FBN2: variants seen among roughly 807,000 people sequenced by gnomAD.
The protein encoded by FBN2 is fibrillin-2.
Under a neutral mutation model 355.6 loss-of-function variants are expected in FBN2, and 105 were observed. The observed-to-expected ratio is 0.30, with a 90% CI of 0.25 to 0.35. The LOEUF (loss-of-function observed/expected upper bound fraction) is 0.35. Ranked by LOEUF, FBN2 falls within the 10% of genes least tolerant of loss-of-function variation. The pLI is 1.00. For synonymous variants in FBN2, 1,350 were observed against 1,301.2 expected, an observed-to-expected ratio of 1.04 and a Z score of -0.81; for missense variants, 3,280 against 3,758.7, an observed-to-expected ratio of 0.87 and a Z score of 3.33.
At chr5:128,446,675 T>TA in intron 6 of FBN2, 69 bp from the exon 7 acceptor site, 1 of 1,525,738 alleles carries the variant, frequency 6.6e-7, no homozygotes, top group Admixed American at 1.7e-5. Context: ...TTTTTTACTA[T>TA]AAAAACTTTA....
chr5:128,319,724 A>G (rs1360190592), intron 34 of FBN2, among the ~76,000 whole-genome samples: 1 of 152,178 alleles, frequency 6.6e-6, no homozygotes, highest in Admixed American at 6.5e-5. Context: ...TTCATTTATG[A>G]AAAGTTTATG....
intron 33 of FBN2, 29 bp from the exon 34 acceptor site, chr5:128,328,850 T>C (rs1750622366): frequency 6.2e-7 from 1 of 1,613,488 alleles, no homozygotes; most frequent in Non-Finnish European, 8.5e-7. Flanking sequence ...TACATCTCTG[T>C]TAAGTTCCAA....
intron 16 of FBN2, among the ~76,000 whole-genome samples, chr5:128,367,136 A>G (rs1163240806): frequency 6.6e-6 from 1 of 152,200 alleles, no homozygotes; most frequent in Admixed American, 6.5e-5. Context: ...ATGAAGTTTA[A>G]TTATATCACT....
chr5:128,452,422 G>C (rs1165025771), intron 6 of FBN2, among the ~76,000 whole-genome samples: 1 of 152,176 alleles, frequency 6.6e-6, no homozygotes, highest in African/African-American at 2.4e-5. Context: ...ATGTAACAAA[G>C]CAACAATAAT....
intron 7 of FBN2, among the ~76,000 whole-genome samples, chr5:128,427,834 G>A (rs1753521826): frequency 6.6e-6 from 1 of 152,110 alleles, no homozygotes; most frequent in African/African-American, 2.4e-5. Context: ...TGCAATAAAT[G>A]CCTCATTTTC....
In FBN2 at chr5:128,318,567, C is replaced by CATATATACATGTATATAT. The variant is rs1224561414; in HGVS notation, c.4594+294_4595-297dup. Among the ~76,000 whole-genome samples the CATATATACATGTATATAT allele has an allele frequency of 5.9e-5, 9 of 151,598 alleles. No homozygotes were observed. In the East Asian group the frequency reaches 9.7e-4, roughly 16 times the overall value. ...GTCACTATTTGCTTAACAAAAATCACATATATACATGTATATATATATATA... is the reference window on the plus strand; with the variant it reads ...GTCACTATTTGCTTAACAAAAATCACATATATACATGTATATATATATATACATGTATATATATATATA... On this transcript the variant is annotated intron_variant, in intron 35 of 64. Transcript: ENST00000262464.
At chr5:128,371,833 C>T (rs1751953852) in intron 15 of FBN2, among the ~76,000 whole-genome samples, 1 of 152,030 alleles carries the variant, frequency 6.6e-6, no homozygotes, top group African/African-American at 2.4e-5. Flanking sequence ...ATGCCTGTCC[C>T]CTTTTCTTTC....
chr5:128,286,954 G>A (rs1031937156), intron 54 of FBN2, 105 bp from the exon 55 acceptor site: 2 of 1,159,982 alleles, frequency 1.7e-6, no homozygotes, highest in South Asian at 1.3e-5. Context: ...ATTTTATGGT[G>A]GGACAGAGAA....
intron 62 of FBN2, among the ~76,000 whole-genome samples, chr5:128,265,283 G>A (rs1169386330): frequency 6.6e-6 from 1 of 152,106 alleles, no homozygotes; most frequent in Non-Finnish European, 1.5e-5. Flanking sequence ...ATCCTGCCAT[G>A]AATATACCAT....
rs1398924156 is a variant in FBN2 at position 128,455,995 on chromosome 5, A to ACAAAAC, written c.826+8728_826+8729insGTTTTG. ...CCTTGGGGGAGGGTTAGCAACAAAA[A>ACAAAAC]AAAAAAAAAAAAAAAAAAAAAAAAA... On this transcript the variant is annotated intron_variant, in intron 6 of 64. Transcript: ENST00000262464. Among the ~76,000 whole-genome samples, 6 of 125,860 alleles carry ACAAAAC rather than the reference A, an allele frequency of 4.8e-5. No homozygotes were observed. The South Asian group carries it at 1.3e-3, about 28-fold the overall frequency. 82.6% of individuals were successfully genotyped at this position (125,860 alleles called of 152,430 possible).
chr5:128,344,826 G>A (rs1228871827), intron 24 of FBN2, among the ~76,000 whole-genome samples: 1 of 151,446 alleles, frequency 6.6e-6, no homozygotes. Flanking sequence ...TCAGCCTCCC[G>A]AGTAGCTGAG....
chr5:128,383,784 TA>T (rs1469623693), intron 11 of FBN2, among the ~76,000 whole-genome samples: 4 of 152,056 alleles, frequency 2.6e-5, no homozygotes, highest in African/African-American at 9.7e-5. Flanking sequence ...TTACAATGGC[TA>T]AAGTGTAAAA....
At chr5:128,268,554 C>T (rs1377177674) in intron 62 of FBN2, among the ~76,000 whole-genome samples, 1 of 152,180 alleles carries the variant, frequency 6.6e-6, no homozygotes, top group Non-Finnish European at 1.5e-5. Flanking sequence ...ATACCAAAAC[C>T]TGGCAGAAAC....
chr5:128,456,788 C>A (rs917856429), intron 6 of FBN2, among the ~76,000 whole-genome samples: 3 of 152,046 alleles, frequency 2.0e-5, no homozygotes, highest in Non-Finnish European at 4.4e-5. Flanking sequence ...CCATAAAAAC[C>A]CCATCCAAGG....
At position 128,305,058 on chromosome 5, in the gene FBN2, G is replaced by A. The variant is rs757989875; in HGVS notation, c.5699C>T (p.Pro1900Leu). Residue 1900 changes from proline to leucine, a missense_variant, in exon 45 of 65, where the codon CCT becomes CTT. By Grantham distance (98) the Pro-to-Leu change is moderately conservative. Around this residue, in one of 6 missense-constraint regions of FBN2, gnomAD observed 2,284 missense variants for 2,749.5 expected, o/e 0.83. Transcript: ENST00000262464. ...CVDRNECLEI[P>L]NVCSHGLCVD... ...ACACAAGCCATGACTGCAAACGTTA[G>A]GAATTTCTAAACATTCATTGCGATC... The A allele has an allele frequency of 1.2e-6, 2 of 1,612,666 alleles. No homozygotes were observed. Among genetic ancestry groups the A allele is most frequent in the South Asian group, 2.2e-5 (2 of 91,026 alleles).
At chr5:128,357,892 T>C (rs1483794905) in intron 19 of FBN2, among the ~76,000 whole-genome samples, 1 of 152,176 alleles carries the variant, frequency 6.6e-6, no homozygotes, top group Non-Finnish European at 1.5e-5. Context: ...AACTCTCCTC[T>C]AGTCCCTATC....
At chr5:128,397,102 G>A (rs930952205) in intron 8 of FBN2, among the ~76,000 whole-genome samples, 2 of 152,056 alleles carry the variant, frequency 1.3e-5, no homozygotes, top group African/African-American at 4.8e-5. Context: ...CCAAAACCGA[G>A]CACTAAATGT....
At chr5:128,445,925 A>G (rs1754053281) in intron 7 of FBN2, among the ~76,000 whole-genome samples, 1 of 152,190 alleles carries the variant, frequency 6.6e-6, no homozygotes, top group Non-Finnish European at 1.5e-5. Flanking sequence ...GCAGAAAAGT[A>G]TTAGGTTTTT....
At chr5:128,520,841 C>T (rs1561496239) in intron 4 of FBN2, among the ~76,000 whole-genome samples, 1 of 152,090 alleles carries the variant, frequency 6.6e-6, no homozygotes, top group Non-Finnish European at 1.5e-5. Flanking sequence ...TACCTATCTC[C>T]AGCTGAGTCC....
Sources: gnomAD v4.1 joint callset for allele counts (sites outside exome capture counted in the v4.1 genomes callset) on GRCh38, gnomAD v4.1.1 for gene constraint, gnomAD v4.1.1 regional missense constraint, MANE v1.5 for transcripts, NCBI Gene and HGNC (gene_info 2026-07-23, HGNC 2026-07-21) for gene names.